NEK1: variants seen among roughly 807,000 people sequenced by gnomAD.
NEK1 encodes serine/threonine-protein kinase Nek1.
NEK1 carries 137 observed loss-of-function variants against 182.1 expected under a neutral mutation model. The ratio of observed to expected loss-of-function variants is 0.75; its 90% CI spans 0.65 to 0.87. NEK1 has a LOEUF of 0.87. Among genes scored for constraint, NEK1 ranks in the 40% least tolerant of loss-of-function variants. NEK1 has a pLI of 0.00. For synonymous variants in NEK1, 513 were observed against 492.2 expected (o/e 1.04, Z -0.56); for missense variants, 1,391 against 1,494.4 (o/e 0.93, Z 1.14).
At chr4:169,458,044 C>T (rs1743251282) in intron 27 of NEK1, among the ~76,000 whole-genome samples, 1 of 151,848 alleles carries the variant, frequency 6.6e-6, no homozygotes, top group South Asian at 2.1e-4. Flanking sequence ...TTTGTGGATA[C>T]AGACATAATA....
At chr4:169,558,294 GAC>G (rs1251881088) in intron 16 of NEK1, among the ~76,000 whole-genome samples, 1 of 152,184 alleles carries the variant, frequency 6.6e-6, no homozygotes, top group Non-Finnish European at 1.5e-5. Context: ...GTTTGTTTGA[GAC>G]ATAATTTATG....
At chr4:169,451,211 A>G (rs2149466479) in intron 27 of NEK1, among the ~76,000 whole-genome samples, 1 of 152,318 alleles carries the variant, frequency 6.6e-6, no homozygotes, top group South Asian at 2.1e-4. Flanking sequence ...CCAACTGTCA[A>G]TATTAGACAG....
chr4:169,515,355 T>C (rs1208018465), intron 19 of NEK1, among the ~76,000 whole-genome samples: 2 of 152,172 alleles, frequency 1.3e-5, no homozygotes, highest in African/African-American at 4.8e-5. Flanking sequence ...GTCTAGTAGT[T>C]CTATCAATTG....
chr4:169,611,506 G>T (rs1009307303), intron 2 of NEK1, among the ~76,000 whole-genome samples: 2 of 152,068 alleles, frequency 1.3e-5, no homozygotes, highest in African/African-American at 4.8e-5. Flanking sequence ...CATTTCTAAT[G>T]AAACATACCA....
chr4:169,577,132 T>C, intron 11 of NEK1, 53 bp from the exon 12 acceptor site: 2 of 1,551,612 alleles, frequency 1.3e-6, no homozygotes, highest in South Asian at 1.1e-5. Flanking sequence ...ATTAACTCTT[T>C]ACTTTCAGAA....
At chr4:169,467,552 A>C (rs1745155741) in intron 26 of NEK1, among the ~76,000 whole-genome samples, 2 of 152,276 alleles carry the variant, frequency 1.3e-5, no homozygotes, top group Admixed American at 6.5e-5. Flanking sequence ...AAAAGGAAAG[A>C]AAGCATAGAT....
At chr4:169,468,053 T>C (rs1745255591) in intron 26 of NEK1, among the ~76,000 whole-genome samples, 2 of 152,108 alleles carry the variant, frequency 1.3e-5, no homozygotes, top group African/African-American at 2.4e-5. Context: ...GGAGTGACTA[T>C]ATCAATATCA....
At chr4:169,425,662 G>A (rs944883348) in intron 30 of NEK1, among the ~76,000 whole-genome samples, 24 of 151,986 alleles carry the variant, frequency 1.6e-4, no homozygotes, top group African/African-American at 5.6e-4. Context: ...GAGACTACAG[G>A]CATGCCACCA....
At chr4:169,553,214 T>C (rs1157214672) in intron 18 of NEK1, among the ~76,000 whole-genome samples, 1 of 152,108 alleles carries the variant, frequency 6.6e-6, no homozygotes, top group East Asian at 1.9e-4. Context: ...GACATAAAAA[T>C]CCTTTGTCAA....
At chr4:169,411,808 A>G (rs1433637558) in intron 31 of NEK1, among the ~76,000 whole-genome samples, 1 of 152,218 alleles carries the variant, frequency 6.6e-6, no homozygotes, top group East Asian at 1.9e-4. Flanking sequence ...AATCACAACA[A>G]ATGCAAAGTT....
At position 169,561,944 on chromosome 4, in the gene NEK1, T is replaced by C. The variant is rs1580779963; in HGVS notation, c.1081-53A>G. ...CCATAATAATTCCTGTTTTTTCTAG[T>C]TTCATCAGGAAAGTTAGTACACCAA... On this transcript the variant is annotated intron_variant, in intron 13 of 35. Transcript: ENST00000507142. The C allele has an allele frequency of 2.7e-5, 41 of 1,491,830 alleles. No homozygotes were observed. In the East Asian group the frequency reaches 9.4e-4, roughly 34 times the overall value. 92.4% of individuals were successfully genotyped at this position (1,491,830 alleles called of 1,614,324 possible).
At chr4:169,429,370 G>A (rs534404040) in intron 29 of NEK1, among the ~76,000 whole-genome samples, 4 of 152,172 alleles carry the variant, frequency 2.6e-5, no homozygotes, top group Admixed American at 2.6e-4. Flanking sequence ...GATACCAAAA[G>A]TAAAAGAGGT....
chr4:169,417,448 G>A (rs1734740328), intron 31 of NEK1, among the ~76,000 whole-genome samples: 1 of 152,152 alleles, frequency 6.6e-6, no homozygotes, highest in African/African-American at 2.4e-5. Context: ...TTTCACACAG[G>A]CAGCCACAGA....
intron 35 of NEK1, among the ~76,000 whole-genome samples, chr4:169,399,047 G>C (rs1225789889): frequency 6.6e-6 from 1 of 150,686 alleles, no homozygotes; most frequent in Non-Finnish European, 1.5e-5. Flanking sequence ...TCAGGAGTTC[G>C]AGGCCAGCCT....
At chr4:169,511,814 C>A (rs1754238906) in intron 19 of NEK1, among the ~76,000 whole-genome samples, 1 of 152,108 alleles carries the variant, frequency 6.6e-6, no homozygotes, top group South Asian at 2.1e-4. Context: ...TTAAACTGTT[C>A]TCCATCTTGA....
Position 169,612,210 on chromosome 4 carries a change from G to A in NEK1, c.-173+12C>T, listed in dbSNP as rs1259802246. 6.6e-6 allele frequency: 1 copy of A among 152,384 alleles called. No individual in the cohort carries two copies. The highest frequency in any genetic ancestry group is 1.5e-5 in the Non-Finnish European group (1 of 68,172). The allele number at this position is 152,384 out of a possible 1,614,324, so 9.4% of individuals were successfully genotyped here. A position where few individuals can be genotyped will look rare whatever the true frequency, so the allele number is the denominator to read the frequency against. On this transcript the variant is annotated intron_variant, in intron 1 of 35. Coordinates refer to ENST00000507142, the MANE Select transcript of NEK1 (RefSeq NM_001199397.3). Reference sequence around the variant, plus strand: ...AGTCCAGACTGAAAGGGGGCACTGAGACTCTCCACACCTGACACTCGTCTT... The same window carrying A: ...AGTCCAGACTGAAAGGGGGCACTGAAACTCTCCACACCTGACACTCGTCTT...
At chr4:169,553,970 C>A (rs927707378) in intron 18 of NEK1, 1 of 152,196 alleles carries the variant, frequency 6.6e-6, no homozygotes, top group African/African-American at 2.4e-5. Flanking sequence ...AAGACATGAT[C>A]CAGCAATCAT....
Position 169,555,832 on chromosome 4 carries a change from G to T in NEK1, c.1450C>A (p.Arg484Ser), listed in dbSNP as rs183378326. Reference protein sequence around the residue: ...LPERGILPGVRPGFPYGAAGH... With the variant: ...LPERGILPGVSPGFPYGAAGH... ...GCAGCCCCATAAGGAAATCCTGGAC[G>T]AACTCCAGGCAGAATTCCTCTGTAG... is the stretch of plus-strand genomic sequence containing the variant. The change falls in exon 18 of 36, where the codon CGT becomes AGT. Residue 484 changes from arginine (R) to serine (S), a missense_variant. Arg to Ser is a moderately radical substitution (Grantham distance 110, BLOSUM62 -1). This residue lies in a region of NEK1 where 1,216 missense variants were observed against 1,277.6 expected (regional missense o/e 0.95). Coordinates refer to ENST00000507142, the MANE Select transcript of NEK1 (RefSeq NM_001199397.3). The T allele has an allele frequency of 6.2e-7, 1 of 1,613,828 alleles. No individual in the cohort carries two copies. The highest frequency in any genetic ancestry group is 1.3e-5 in the African/African-American group (1 of 75,030).
rs752341944 is a variant in NEK1 at position 169,561,504 on chromosome 4, A to G, written c.1242T>C (p.Ser414=). ...AREQGWRNVL[S]AGGSGEVKAP... is the part of the protein sequence containing the mutation. ...CCTTTACTTCACCACTTCCACCAGC[A>G]CTTAGCACATTTCTCCATCCTTGTT... Residue 414 remains serine, a synonymous_variant, in exon 16 of 36, where the codon AGT becomes AGC. Coordinates refer to ENST00000507142, the MANE Select transcript of NEK1 (RefSeq NM_001199397.3). 3.7e-6 allele frequency: 6 copies of G among 1,613,494 alleles called. No individual in the cohort carries two copies. In the Admixed American group the frequency reaches 1.0e-4, roughly 27 times the overall value.
Sources: allele counts gnomAD v4.1 joint callset (sites outside exome capture counted in the v4.1 genomes callset), GRCh38; gene constraint gnomAD v4.1.1; regional missense constraint gnomAD v4.1.1; transcripts MANE v1.5; gene names NCBI Gene and HGNC (gene_info 2026-07-23, HGNC 2026-07-21).